The following UPF1 variants were observed in gnomAD, a reference collection of about 807,000 sequenced individuals.
The protein encoded by UPF1 is regulator of nonsense transcripts 1.
In UPF1, 9 loss-of-function variants were observed where a neutral mutation model predicts 129.2. The observed-to-expected ratio is 0.07, with a 90% CI of 0.04 to 0.12. The LOEUF (loss-of-function observed/expected upper bound fraction) is 0.12. UPF1 is among the 10% of genes least tolerant of loss of function. UPF1 has a pLI of 1.00. For missense variants in UPF1, 788 were observed against 1,525.3 expected, an observed-to-expected ratio of 0.52 and a Z score of 8.05; for synonymous variants, 649 against 644.9, an observed-to-expected ratio of 1.01 and a Z score of -0.10.
intron 13 of UPF1, 79 bp downstream of exon 13, chr19:18,856,379 G>A (rs2055718213): frequency 7.4e-7 from 1 of 1,343,982 alleles, no homozygotes; most frequent in African/African-American, 1.5e-5. Context: ...GCACCTATTT[G>A]AATTGTTGCT....
intron 1 of UPF1, among the ~76,000 whole-genome samples, chr19:18,835,306 C>T (rs1601091485): frequency 6.6e-6 from 1 of 151,972 alleles, no homozygotes; most frequent in South Asian, 2.1e-4. Context: ...TGAACCTGAT[C>T]GAGGTTCATC....
chr19:18,855,988 G>C lies in UPF1; in HGVS notation c.1608G>C (p.Gln536His), dbSNP rs2055713027. 1.2e-6 allele frequency: 2 copies of C among 1,614,006 alleles called. No homozygotes were observed. The highest frequency in any genetic ancestry group is 4.5e-5 in the East Asian group (2 of 44,890). The change falls in exon 12 of 24, where the codon CAG becomes CAC. Residue 536 changes from glutamine (Q) to histidine (H), a missense_variant. Physicochemically the swap from Gln to His is conservative, Grantham distance 24 (BLOSUM62 0). Around this residue, in one of 6 missense-constraint regions of UPF1, gnomAD observed 91 missense variants for 157.2 expected, o/e 0.58. Transcript: ENST00000262803. ...AVDQLTEKIH[Q>H]TGLKVVRLCA... is the part of the protein sequence containing the mutation. ...ACCAGCTAACGGAGAAGATCCACCA[G>C]ACGGGGCTAAAGGTCGTGCGCCTCT...
chr19:18,863,583 C>G lies in UPF1; in HGVS notation c.2746C>G (p.Pro916Ala). 1 of 1,613,688 alleles carries G rather than the reference C, an allele frequency of 6.2e-7. No individual in the cohort carries two copies. The highest frequency in any genetic ancestry group is 8.5e-7 in the Non-Finnish European group (1 of 1,179,838). The change falls in exon 19 of 24, where the codon CCA (proline) becomes GCA (alanine). Residue 916 changes from proline (P) to alanine (A), a missense_variant. Coordinates refer to ENST00000262803, the MANE Select transcript of UPF1 (RefSeq NM_002911.4). ...TGAGAGCCTCATGCAGTTCAGCAAG[C>G]CACGGAAGCTGGTCAACACTATCAA... ...LRESLMQFSK[P>A]RKLVNTINPG... is the part of the protein sequence containing the mutation.
In UPF1 at chr19:18,832,362, CGGCGGCCCG is replaced by C. The variant is rs762392759; in HGVS notation, c.159_167del (p.Pro54_Gly56del). 1.1e-5 allele frequency: 14 copies of C among 1,327,928 alleles called. No homozygotes were observed. Among genetic ancestry groups the C allele is most frequent in the Non-Finnish European group, 1.2e-5 (12 of 1,015,892 alleles). The allele number at this position is 1,327,928 out of a possible 1,614,324, so 82.3% of individuals were successfully genotyped here. On this transcript the variant is annotated inframe_deletion, in exon 1 of 24. Transcript: ENST00000262803. The surrounding 1 kb of genome is among the most constrained non-coding windows in gnomAD (Gnocchi z 5.6). ...AGACGCAGACGCCCCCCGGCGGCCC[CGGCGGCCCG>C]GGCGGTGGCGGCGCGGGAGGCCCGG...
In UPF1 at chr19:18,865,138, T is replaced by C. The variant is rs2055827806; in HGVS notation, c.2858-151T>C. ...CCCAGCCCCAGGCAGGCTGCTGTAG[T>C]TAACATGGAGTCCTGCGAATCCGCA... On this transcript the variant is annotated intron_variant, in intron 20 of 23. Transcript: ENST00000262803. The surrounding 1 kb of genome is among the most constrained non-coding windows in gnomAD (Gnocchi z 6.1). 1 of 1,007,980 alleles carries C rather than the reference T, an allele frequency of 9.9e-7. No homozygotes were observed. Among genetic ancestry groups the C allele is most frequent in the East Asian group, 2.7e-5 (1 of 37,576 alleles). 62.4% of individuals were successfully genotyped at this position (1,007,980 alleles called of 1,614,324 possible). A position where few individuals can be genotyped will look rare whatever the true frequency, so the allele number is the denominator to read the frequency against.
At chr19:18,843,303 G>A (rs1031473293) in intron 1 of UPF1, among the ~76,000 whole-genome samples, 1 of 152,070 alleles carries the variant, frequency 6.6e-6, no homozygotes, top group African/African-American at 2.4e-5. Flanking sequence ...TTGAGGTGGG[G>A]TCAGAGGATG....
rs2055660957 is a variant in UPF1, at chr19:18,851,744, G to A, written c.811-391G>A. On this transcript the variant is annotated intron_variant, in intron 5 of 23. Coordinates refer to ENST00000262803, the MANE Select transcript of UPF1 (RefSeq NM_002911.4). This position sits in a 1 kb window ranked among gnomAD's most constrained non-coding sequence, Gnocchi z 4.2. The stretch of plus-strand genomic sequence containing the variant: ...CGGTGGTCTTTGTGGCAGCCTGCGA[G>A]GCGGGTTAGCTGCTCTCGTTCACAA... Among the ~76,000 whole-genome samples, 2 of 152,238 alleles carry A rather than the reference G, an allele frequency of 1.3e-5. No homozygotes were observed. The highest frequency in any genetic ancestry group is 2.4e-5 in the African/African-American group (1 of 41,458).
At chr19:18,842,927 C>T (rs895351788) in intron 1 of UPF1, among the ~76,000 whole-genome samples, 2 of 151,354 alleles carry the variant, frequency 1.3e-5, no homozygotes, top group Non-Finnish European at 1.5e-5. Context: ...GCAGAGGTTG[C>T]GGTGAGCCGA....
At position 18,860,906 on chromosome 19, in the gene UPF1, C is replaced by T; in HGVS notation, c.2381C>T (p.Thr794Met). 1.2e-6 allele frequency: 2 copies of T among 1,604,954 alleles called. No homozygotes were observed. Among genetic ancestry groups the T allele is most frequent in the South Asian group, 1.1e-5 (1 of 89,606 alleles). The change falls in exon 17 of 24, where the codon ACG becomes ATG. Residue 794 changes from threonine to methionine, a missense_variant. By Grantham distance (81) the Thr-to-Met change is moderately conservative (BLOSUM62 -1). This residue lies in a region of UPF1 where 140 missense variants were observed against 385.9 expected (regional missense o/e 0.36). Coordinates refer to ENST00000262803, the MANE Select transcript of UPF1 (RefSeq NM_002911.4). ...GAKPDQIGII[T>M]PYEGQRSYLV... ...AAGCCGGACCAGATTGGCATCATCACGCCCTACGAGGGCCAGCGCTCCTAC... is the reference window on the plus strand; with the variant it reads ...AAGCCGGACCAGATTGGCATCATCATGCCCTACGAGGGCCAGCGCTCCTAC...
At chr19:18,841,278 C>T (rs2055538344) in intron 1 of UPF1, among the ~76,000 whole-genome samples, 2 of 152,126 alleles carry the variant, frequency 1.3e-5, no homozygotes, top group African/African-American at 4.8e-5. Flanking sequence ...GTTTTTAAAG[C>T]AAGTCTTTTG....
chr19:18,842,717 G>T (rs748604493), intron 1 of UPF1, among the ~76,000 whole-genome samples: 23 of 151,816 alleles, frequency 1.5e-4, no homozygotes, highest in Non-Finnish European at 3.4e-4. Flanking sequence ...ATTTGGGGGG[G>T]TGCTGGGTGC....
At chr19:18,861,871 C>T (rs1421515787) in intron 17 of UPF1, 139 bp from the exon 18 acceptor site, 2 of 1,125,932 alleles carry the variant, frequency 1.8e-6, no homozygotes, top group Non-Finnish European at 2.5e-6. Context: ...GCCAGGACAG[C>T]CCCTAGGTGC....
chr19:18,865,461 G>A lies in UPF1; in HGVS notation c.3019+11G>A, dbSNP rs1236934687. On this transcript the variant is annotated intron_variant, in intron 21 of 23. Coordinates refer to ENST00000262803, the MANE Select transcript of UPF1 (RefSeq NM_002911.4). The surrounding 1 kb of genome is among the most constrained non-coding windows in gnomAD (Gnocchi z 6.1). ...ACGGGCCTGCTGCAGGTGAGCATCT[G>A]TGGCTGCGGCTGGGTGTGGCCCTCC... 1 of 1,612,594 alleles carries A rather than the reference G, an allele frequency of 6.2e-7. No homozygotes were observed. The highest frequency in any genetic ancestry group is 1.7e-5 in the Admixed American group (1 of 60,012).
At position 18,867,455 on chromosome 19, in the gene UPF1, C is replaced by T. The variant is rs184160667; in HGVS notation, c.*938C>T. The T allele has an allele frequency of 6.6e-6, 1 of 152,516 alleles. No homozygotes were observed. Among genetic ancestry groups the T allele is most frequent in the East Asian group, 1.9e-4 (1 of 5,180 alleles). 9.4% of individuals were successfully genotyped at this position (152,516 alleles called of 1,614,324 possible). On this transcript the variant is annotated 3_prime_UTR_variant, in exon 24 of 24. Transcript: ENST00000262803. The stretch of plus-strand genomic sequence containing the variant: ...CAGGACTGGCCCTGTGGCCAGGAGG[C>T]GAGAAGGTGGCTGTTCCCGGATTGA...
chr19:18,851,709 C>T lies in UPF1; in HGVS notation c.811-426C>T, dbSNP rs568474563. Among the ~76,000 whole-genome samples the T allele has an allele frequency of 2.6e-5, 4 of 152,316 alleles. No homozygotes were observed. The highest frequency in any genetic ancestry group is 4.8e-5 in the African/African-American group (2 of 41,568). On this transcript the variant is annotated intron_variant, in intron 5 of 23. Coordinates refer to ENST00000262803, the MANE Select transcript of UPF1 (RefSeq NM_002911.4). The surrounding 1 kb of genome is among the most constrained non-coding windows in gnomAD (Gnocchi z 4.2). Reference sequence around the variant, plus strand: ...CAGGCCTCCCGGGCTGTGGACACAGCGAGAGAAACCGGTGGTCTTTGTGGC... The same window carrying T: ...CAGGCCTCCCGGGCTGTGGACACAGTGAGAGAAACCGGTGGTCTTTGTGGC...
At chr19:18,861,247 T>C (rs767525015) in intron 17 of UPF1, among the ~76,000 whole-genome samples, 3 of 152,220 alleles carry the variant, frequency 2.0e-5, no homozygotes, top group African/African-American at 4.8e-5. Context: ...CAAGGTGTTT[T>C]CTCGGGATGG....
At position 18,864,239 on chromosome 19, in the gene UPF1, C is replaced by A. The variant is rs1011803969; in HGVS notation, c.2845C>A (p.Arg949=). 1 of 1,613,144 alleles carries A rather than the reference C, an allele frequency of 6.2e-7. No homozygotes were observed. The highest frequency in any genetic ancestry group is 8.5e-7 in the Non-Finnish European group (1 of 1,179,390). Residue 949 remains arginine (R), a synonymous_variant, in exon 20 of 24, where the codon CGG becomes AGG. Transcript: ENST00000262803. ...EAIIPGSVYD[R]SSQGRPSSMY... The stretch of plus-strand genomic sequence containing the variant: ...CATCATCCCAGGCTCCGTCTATGAT[C>A]GGAGCAGCCAGGGTGAGTCGCTCAG...
At position 18,865,433 on chromosome 19, in the gene UPF1, C is replaced by G; in HGVS notation, c.3002C>G (p.Ala1001Gly). The change falls in exon 21 of 24, where the codon GCC (alanine) becomes GGC (glycine). Residue 1001 changes from alanine (A) to glycine (G), a missense_variant. Physicochemically the swap from Ala to Gly is moderately conservative, Grantham distance 60. Coordinates refer to ENST00000262803, the MANE Select transcript of UPF1 (RefSeq NM_002911.4). The surrounding 1 kb of genome is among the most constrained non-coding windows in gnomAD (Gnocchi z 6.1). ...PMPPPGYFGQANGPAAGRGTP... is the reference protein window; with the variant it reads ...PMPPPGYFGQGNGPAAGRGTP... ...CCACCGCCTGGCTATTTTGGACAAG[C>G]CAACGGGCCTGCTGCAGGTGAGCAT... 6.2e-7 allele frequency: 1 copy of G among 1,613,566 alleles called. No individual in the cohort carries two copies. The highest frequency in any genetic ancestry group is 8.5e-7 in the Non-Finnish European group (1 of 1,179,606).
intron 6 of UPF1, 84 bp downstream of exon 6, chr19:18,852,380 T>A: frequency 6.4e-7 from 1 of 1,565,188 alleles, no homozygotes; most frequent in Non-Finnish European, 8.6e-7. Flanking sequence ...AGGTTTTCTC[T>A]CCAGGCTGTG....
Sources: gnomAD v4.1 joint callset for allele counts (sites outside exome capture counted in the v4.1 genomes callset) on GRCh38, gnomAD v4.1.1 for gene constraint, gnomAD v4.1.1 regional missense constraint, Gnocchi (gnomAD v3.1) non-coding constraint, MANE v1.5 for transcripts, NCBI Gene and HGNC (gene_info 2026-07-23, HGNC 2026-07-21) for gene names.